The following FAM120A variants were observed in gnomAD, a reference collection of about 807,000 sequenced individuals.
FAM120A encodes the protein constitutive coactivator of PPAR-gamma-like protein 1.
A neutral mutation model predicts 109.7 loss-of-function variants in FAM120A; 15 were observed. The observed-to-expected ratio is 0.14, with a 90% CI of 0.09 to 0.21. The LOEUF (loss-of-function observed/expected upper bound fraction) is 0.21. Among genes scored for constraint, FAM120A ranks in the 10% least tolerant of loss-of-function variants. The pLI, the probability that FAM120A is intolerant of heterozygous loss-of-function variation, is 1.00. For missense variants in FAM120A, 899 were observed against 1,439.3 expected (o/e 0.62, Z 6.07); for synonymous variants, 493 against 572.8 (o/e 0.86, Z 1.99).
chr9:93,552,610 A>T (rs1862139110), intron 12 of FAM120A, among the ~76,000 whole-genome samples: 1 of 152,258 alleles, frequency 6.6e-6, no homozygotes, highest in African/African-American at 2.4e-5. Flanking sequence ...CTCAGCTATC[A>T]TCAGATTGAG....
At chr9:93,546,258 C>T (rs536240617) in intron 11 of FAM120A, among the ~76,000 whole-genome samples, 3 of 152,166 alleles carry the variant, frequency 2.0e-5, no homozygotes, top group South Asian at 4.1e-4. Context: ...GTATTTTTCT[C>T]TTCCAAGTTT....
At chr9:93,478,165 T>G (rs959577106) in intron 3 of FAM120A, among the ~76,000 whole-genome samples, 1 of 152,092 alleles carries the variant, frequency 6.6e-6, no homozygotes, top group Non-Finnish European at 1.5e-5. Flanking sequence ...TTAATAATTC[T>G]TTAATATCTT....
intron 11 of FAM120A, among the ~76,000 whole-genome samples, chr9:93,546,247 T>C (rs1489730218): frequency 6.6e-6 from 1 of 152,194 alleles, no homozygotes; most frequent in Admixed American, 6.5e-5. Context: ...TTACTTTTTT[T>C]GTATTTTTCT....
At chr9:93,525,218 T>C (rs1018042269) in intron 7 of FAM120A, among the ~76,000 whole-genome samples, 5 of 152,204 alleles carry the variant, frequency 3.3e-5, no homozygotes, top group Admixed American at 2.0e-4. Flanking sequence ...ATAATCTACA[T>C]AGAACAACAC....
At chr9:93,482,459 A>G (rs10122307) in intron 3 of FAM120A, among the ~76,000 whole-genome samples, 3,994 of 152,262 alleles carry the variant, frequency 0.026, 167 homozygotes, top group African/African-American at 0.09. Context: ...CCAAAGTGCT[A>G]AGATTATAGG....
intron 3 of FAM120A, among the ~76,000 whole-genome samples, chr9:93,494,010 G>A (rs1326318585): frequency 6.6e-6 from 1 of 152,158 alleles, no homozygotes; most frequent in Admixed American, 6.5e-5. Context: ...TGACACATGC[G>A]GTTTAAATAC....
At chr9:93,540,650 A>G (rs542387927) in intron 10 of FAM120A, among the ~76,000 whole-genome samples, 6 of 152,130 alleles carry the variant, frequency 3.9e-5, no homozygotes, top group Non-Finnish European at 7.4e-5. Flanking sequence ...GGCCAGGCTC[A>G]TTCAGGTACA....
At chr9:93,473,603 C>T (rs59326991) in intron 2 of FAM120A, among the ~76,000 whole-genome samples, 25,082 of 152,128 alleles carry the variant, frequency 0.16, 2,844 homozygotes, top group African/African-American at 0.33. Flanking sequence ...TGAGCCATTG[C>T]GCCTGGCCAC....
chr9:93,562,202 A>G lies in FAM120A; in HGVS notation c.2949-6A>G, dbSNP rs755941880. ...TGTTTACTGTTGTCCTTTTTCATTC[A>G]TTTAGGCGTCCAAGAGGAGTTATTT... On this transcript the variant is annotated splice_polypyrimidine_tract_variant and splice_region_variant and intron_variant, in intron 16 of 17. Transcript: ENST00000277165. The G allele has an allele frequency of 1.9e-6, 3 of 1,610,788 alleles. No homozygotes were observed. Among genetic ancestry groups the G allele is most frequent in the South Asian group, 1.1e-5 (1 of 90,982 alleles).
At chr9:93,470,995 T>C (rs1466022753) in intron 1 of FAM120A, 146 bp from the exon 2 acceptor site, 4 of 944,590 alleles carry the variant, frequency 4.2e-6, no homozygotes, top group Non-Finnish European at 6.3e-6. Context: ...TTGCAAACTT[T>C]ATTATGGCAT....
intron 7 of FAM120A, 85 bp from the exon 8 acceptor site, chr9:93,527,070 T>G: frequency 9.8e-7 from 1 of 1,018,254 alleles, no homozygotes; most frequent in South Asian, 1.3e-5. Context: ...ATTATGAGCC[T>G]GAAGACTTAG....
In FAM120A at chr9:93,486,717, A is replaced by G. The variant is rs368748393; in HGVS notation, c.804+10379A>G. 1.6e-3 allele frequency among the ~76,000 whole-genome samples: 240 copies of G among 152,012 alleles called. 7 individuals carry two copies. The South Asian group carries it at 0.046, about 29-fold the overall frequency. ...CCTGGCTAATTTTTGTATTTTTAGTAGAGATGGGGTTTCACCATGTTGGCC... is the reference window on the plus strand; with the variant it reads ...CCTGGCTAATTTTTGTATTTTTAGTGGAGATGGGGTTTCACCATGTTGGCC... On this transcript the variant is annotated intron_variant, in intron 3 of 17. Transcript: ENST00000277165.
chr9:93,561,330 T>C (rs1862457786), intron 16 of FAM120A, 80 bp downstream of exon 16: 2 of 1,350,164 alleles, frequency 1.5e-6, no homozygotes, highest in African/African-American at 1.5e-5. Flanking sequence ...GAAGTTTAAG[T>C]AGGAACATTT....
At chr9:93,548,264 C>T (rs548495005) in intron 11 of FAM120A, among the ~76,000 whole-genome samples, 12 of 152,124 alleles carry the variant, frequency 7.9e-5, no homozygotes, top group East Asian at 5.8e-4. Flanking sequence ...CCACCACGCC[C>T]GGCTAATTTT....
At chr9:93,541,967 A>G (rs1332537659) in intron 10 of FAM120A, among the ~76,000 whole-genome samples, 1 of 152,186 alleles carries the variant, frequency 6.6e-6, no homozygotes, top group Non-Finnish European at 1.5e-5. Flanking sequence ...TTGCCTGACT[A>G]TATTTAGACT....
chr9:93,521,582 T>TAA (rs1220512076), intron 7 of FAM120A, among the ~76,000 whole-genome samples: 5 of 139,504 alleles, frequency 3.6e-5, no homozygotes, highest in African/African-American at 2.6e-5. Context: ...CCCTGTCTCT[T>TAA]AAAAAAAAAA....
At position 93,557,903 on chromosome 9, in the gene FAM120A, C is replaced by T. The variant is rs374276000; in HGVS notation, c.2561C>T (p.Thr854Met). 26 of 1,612,412 alleles carry T rather than the reference C, an allele frequency of 1.6e-5. No individual in the cohort carries two copies. Among genetic ancestry groups the T allele is most frequent in the East Asian group, 4.5e-5 (2 of 44,892 alleles). The part of the protein sequence containing the change: ...EGLSFSRQSH[T>M]LPFPPPPALP... Reference sequence around the variant, plus strand: ...CTCAGCTTCTCCAGGCAGAGCCACACGCTCCCTTTCCCGCCGCCACCTGCC... The same window carrying T: ...CTCAGCTTCTCCAGGCAGAGCCACATGCTCCCTTTCCCGCCGCCACCTGCC... The change falls in exon 14 of 18, where the codon ACG becomes ATG. Residue 854 changes from threonine to methionine, a missense_variant. Thr to Met is a moderately conservative substitution (Grantham distance 81, BLOSUM62 -1). Coordinates refer to ENST00000277165, the MANE Select transcript of FAM120A (RefSeq NM_014612.5).
At chr9:93,559,600 T>TC (rs766995841) in intron 15 of FAM120A, among the ~76,000 whole-genome samples, 1 of 152,240 alleles carries the variant, frequency 6.6e-6, no homozygotes, top group African/African-American at 2.4e-5. Flanking sequence ...CCTCTCTGCC[T>TC]CCTCTGTCTG....
Position 93,452,637 on chromosome 9 carries a change from G to T in FAM120A, c.474+248G>T. 1 of 1,599,234 alleles carries T rather than the reference G, an allele frequency of 6.3e-7. No individual in the cohort carries two copies. Among genetic ancestry groups the T allele is most frequent in the Non-Finnish European group, 8.5e-7 (1 of 1,179,904 alleles). On this transcript the variant is annotated intron_variant, in intron 1 of 17. Coordinates refer to ENST00000277165, the MANE Select transcript of FAM120A (RefSeq NM_014612.5). The surrounding 1 kb of genome is among the most constrained non-coding windows in gnomAD (Gnocchi z 7.0). ...CGCGGCCGCGTGGGGACACTTGAGG[G>T]CTGGGAGAGAGCCCCGGACCAGAAT...
Sources: allele counts gnomAD v4.1 joint callset (sites outside exome capture counted in the v4.1 genomes callset), GRCh38; gene constraint gnomAD v4.1.1; non-coding constraint Gnocchi (gnomAD v3.1); transcripts MANE v1.5; gene names NCBI Gene and HGNC (gene_info 2026-07-23, HGNC 2026-07-21).